The following BTRC variants were observed in gnomAD, a reference collection of about 807,000 sequenced individuals.
The protein encoded by BTRC is F-box/WD repeat-containing protein 1A.
BTRC carries 42 observed loss-of-function variants against 85.5 expected under a neutral mutation model. The ratio of observed to expected loss-of-function variants is 0.49; its 90% CI spans 0.38 to 0.64. The LOEUF is 0.64. Among genes scored for constraint, BTRC ranks in the 30% least tolerant of loss-of-function variants. BTRC has a pLI of 0.00. For missense variants in BTRC, 594 were observed against 743.5 expected (o/e 0.80, Z 2.34); for synonymous variants, 255 against 263.3 (o/e 0.97, Z 0.30).
At chr10:101,493,826 T>C (rs1265961182) in intron 4 of BTRC, among the ~76,000 whole-genome samples, 1 of 152,242 alleles carries the variant, frequency 6.6e-6, no homozygotes, top group African/African-American at 2.4e-5. Context: ...TCTGTTAGGC[T>C]TTTCTTTTCA....
intron 1 of BTRC, among the ~76,000 whole-genome samples, chr10:101,406,581 C>A (rs1943631106): frequency 8.5e-6 from 1 of 117,098 alleles, no homozygotes; most frequent in East Asian, 2.6e-4. Flanking sequence ...TTCACCCAGG[C>A]TGGAGTGCAG....
intron 2 of BTRC, among the ~76,000 whole-genome samples, chr10:101,434,527 C>T (rs1363342016): frequency 6.6e-6 from 1 of 151,980 alleles, no homozygotes; most frequent in Non-Finnish European, 1.5e-5. Context: ...TTGGGTTAGG[C>T]AGAGATTTCT....
chr10:101,543,454 GT>G (rs201527753), intron 13 of BTRC, among the ~76,000 whole-genome samples: 2 of 141,216 alleles, frequency 1.4e-5, no homozygotes, highest in South Asian at 2.2e-4. Flanking sequence ...GTTGGGCCAT[GT>G]TTTTTTTTGT....
intron 1 of BTRC, among the ~76,000 whole-genome samples, chr10:101,360,255 G>A (rs1429856080): frequency 8.6e-5 from 13 of 151,406 alleles, no homozygotes; most frequent in South Asian, 6.3e-4. Context: ...GGGTTTCACC[G>A]TGTTGCCCGG....
intron 1 of BTRC, among the ~76,000 whole-genome samples, chr10:101,360,829 G>C (rs1942185382): frequency 6.6e-6 from 1 of 152,128 alleles, no homozygotes; most frequent in African/African-American, 2.4e-5. Context: ...CTACTTTCTA[G>C]CAGTATTTTA....
At chr10:101,378,674 G>T (rs1942852959) in intron 1 of BTRC, among the ~76,000 whole-genome samples, 1 of 151,846 alleles carries the variant, frequency 6.6e-6, no homozygotes, top group African/African-American at 2.4e-5. Flanking sequence ...ACAGGAATGA[G>T]CCACCACGCC....
At chr10:101,384,367 T>G (rs957708350) in intron 1 of BTRC, among the ~76,000 whole-genome samples, 1 of 152,228 alleles carries the variant, frequency 6.6e-6, no homozygotes, top group Non-Finnish European at 1.5e-5. Context: ...TCTTTCCGAA[T>G]AAAAAGTTTA....
intron 1 of BTRC, among the ~76,000 whole-genome samples, chr10:101,373,045 C>T (rs1462061746): frequency 1.3e-5 from 2 of 152,038 alleles, no homozygotes; most frequent in Non-Finnish European, 2.9e-5. Flanking sequence ...GTTTAGAGGT[C>T]TTTATATATC....
intron 6 of BTRC, among the ~76,000 whole-genome samples, chr10:101,526,539 G>A (rs1043837770): frequency 6.6e-6 from 1 of 152,172 alleles, no homozygotes; most frequent in Non-Finnish European, 1.5e-5. Flanking sequence ...CAGCACTTTC[G>A]GAGGCCAAGG....
intron 1 of BTRC, among the ~76,000 whole-genome samples, chr10:101,367,407 TTATGTA>T (rs1232704257): frequency 1.3e-5 from 2 of 151,986 alleles, no homozygotes; most frequent in Non-Finnish European, 2.9e-5. Context: ...CTAGTGTACT[TTATGTA>T]TGTGTTAATG....
At chr10:101,504,278 C>G (rs1269806308) in intron 4 of BTRC, among the ~76,000 whole-genome samples, 1 of 152,200 alleles carries the variant, frequency 6.6e-6, no homozygotes, top group Admixed American at 6.5e-5. Flanking sequence ...TTTATCTCCT[C>G]TCCCTCTTGA....
chr10:101,532,831 A>G (rs2062319775), intron 8 of BTRC, 121 bp from the exon 9 acceptor site: 1 of 786,778 alleles, frequency 1.3e-6, no homozygotes, highest in Admixed American at 2.2e-5. Flanking sequence ...CCTATAGAAA[A>G]TGCATTCCAC....
chr10:101,461,921 C>T, intron 2 of BTRC, 60 bp from the exon 3 acceptor site: 2 of 1,232,232 alleles, frequency 1.6e-6, no homozygotes, highest in Non-Finnish European at 2.3e-6. Flanking sequence ...ATTCAGTTTA[C>T]TCCCAAAGGA....
chr10:101,521,574 A>G, intron 4 of BTRC, 65 bp from the exon 5 acceptor site: 2 of 1,177,842 alleles, frequency 1.7e-6, no homozygotes, highest in East Asian at 2.5e-5. Context: ...ATACCAGAAA[A>G]TCATATATAT....
intron 1 of BTRC, among the ~76,000 whole-genome samples, chr10:101,357,805 ATTG>A (rs1942085712): frequency 1.3e-5 from 2 of 152,248 alleles, no homozygotes; most frequent in African/African-American, 4.8e-5. Context: ...CTTAAAGCTT[ATTG>A]TTTTACTTGT....
chr10:101,469,078 A>C (rs1237282916), intron 3 of BTRC, among the ~76,000 whole-genome samples: 1 of 152,222 alleles, frequency 6.6e-6, no homozygotes, highest in Non-Finnish European at 1.5e-5. Context: ...CGATATAAAA[A>C]CGTATTAAAG....
intron 3 of BTRC, among the ~76,000 whole-genome samples, chr10:101,470,329 C>CTTTTTT (rs950644281): frequency 1.2e-4 from 11 of 94,904 alleles, no homozygotes; most frequent in Non-Finnish European, 1.6e-4. Flanking sequence ...ATTTTTCTTT[C>CTTTTTT]TTTTTTTTTT....
intron 4 of BTRC, among the ~76,000 whole-genome samples, chr10:101,489,077 C>G (rs1946063584): frequency 6.6e-6 from 1 of 152,096 alleles, no homozygotes; most frequent in South Asian, 2.1e-4. Context: ...TCTCCCTACC[C>G]TCTTCCCTGA....
At chr10:101,462,123 C>T in intron 3 of BTRC, 65 bp downstream of exon 3, 1 of 1,108,288 alleles carries the variant, frequency 9.0e-7, no homozygotes. Flanking sequence ...CAGGAGGAAA[C>T]CCTTGATTTG....
Sources: gnomAD v4.1 joint callset for allele counts (sites outside exome capture counted in the v4.1 genomes callset) on GRCh38, gnomAD v4.1.1 for gene constraint, MANE v1.5 for transcripts, NCBI Gene and HGNC (gene_info 2026-07-23, HGNC 2026-07-21) for gene names.